The following SLC22A25 variants were observed in gnomAD, a reference collection of about 807,000 sequenced individuals.
The protein encoded by SLC22A25 is MGI:2442751, MGI:2385316, MGI:3042283, MGI:3645714, MGI:3605624, MGI:2442750.
Under a neutral mutation model 45.9 loss-of-function variants are expected in SLC22A25, and 44 were observed. That is an observed-to-expected ratio of 0.96 (90% CI 0.75 to 1.23). SLC22A25 has a LOEUF of 1.23. Among genes scored for constraint, SLC22A25 ranks in the 50% most tolerant of loss-of-function variants. The pLI is 0.00. For missense variants in SLC22A25, 800 were observed against 666.4 expected (o/e 1.20, Z -2.21); for synonymous variants, 283 against 238.6 (o/e 1.19, Z -1.72).
intron 7 of SLC22A25, among the ~76,000 whole-genome samples, chr11:63,185,366 C>T (rs1218101488): frequency 6.6e-6 from 1 of 151,588 alleles, no homozygotes; most frequent in Non-Finnish European, 1.5e-5. Flanking sequence ...CAATTCCCAC[C>T]TATGAGTGAG....
intron 7 of SLC22A25, among the ~76,000 whole-genome samples, chr11:63,210,549 A>G (rs940893557): frequency 6.6e-6 from 1 of 152,222 alleles, no homozygotes; most frequent in African/African-American, 2.4e-5. Flanking sequence ...CGAGTGTGGC[A>G]TTCTGTTGCT....
At chr11:63,199,737 A>C (rs2089177446) in intron 7 of SLC22A25, among the ~76,000 whole-genome samples, 1 of 152,068 alleles carries the variant, frequency 6.6e-6, no homozygotes, top group African/African-American at 2.4e-5. Context: ...TGGGTTGCAA[A>C]AAAAATGCAG....
intron 8 of SLC22A25, 78 bp downstream of exon 8, chr11:63,183,616 C>CA: frequency 6.3e-7 from 1 of 1,581,258 alleles, no homozygotes. Flanking sequence ...CTCCTTTATT[C>CA]ACCTTATGAA....
At chr11:63,171,252 A>G (rs1232145879) in intron 9 of SLC22A25, among the ~76,000 whole-genome samples, 1 of 152,226 alleles carries the variant, frequency 6.6e-6, no homozygotes, top group East Asian at 1.9e-4. Context: ...AAACTGGCAC[A>G]AGACAAGAAT....
At chr11:63,175,421 G>A (rs1369467198) in intron 9 of SLC22A25, among the ~76,000 whole-genome samples, 4 of 152,034 alleles carry the variant, frequency 2.6e-5, no homozygotes, top group African/African-American at 9.7e-5. Context: ...AAAATGTCTA[G>A]TCAAGTCCTT....
rs939397699 is a variant in SLC22A25, at chr11:63,161,076, C to T, written c.*2748G>A. ...GAAAAAAGGTTTAATGGACTCACAG[C>T]TCCATGTGGCTGGTGAGGCCTCACA... On this transcript the variant is annotated 3_prime_UTR_variant, in exon 12 of 12. Transcript: ENST00000306494. 3.3e-5 allele frequency among the ~76,000 whole-genome samples: 5 copies of T among 152,216 alleles called. No individual in the cohort carries two copies. Among genetic ancestry groups the T allele is most frequent in the African/African-American group, 1.2e-4 (5 of 41,462 alleles).
At chr11:63,196,368 C>T (rs2089030584) in intron 7 of SLC22A25, among the ~76,000 whole-genome samples, 1 of 152,196 alleles carries the variant, frequency 6.6e-6, no homozygotes, top group Non-Finnish European at 1.5e-5. Flanking sequence ...AAAATACTGG[C>T]AAACCGAATC....
At chr11:63,243,234 C>A (rs1020132185) in intron 1 of SLC22A25, 200 bp downstream of exon 1, 28 of 323,982 alleles carry the variant, frequency 8.6e-5, no homozygotes, top group African/African-American at 5.6e-4. Flanking sequence ...TGCAGAAGGC[C>A]ATCCAGCCGT....
chr11:63,213,405 T>C (rs1385447062), intron 7 of SLC22A25, among the ~76,000 whole-genome samples: 2 of 152,192 alleles, frequency 1.3e-5, no homozygotes, highest in Non-Finnish European at 2.9e-5. Flanking sequence ...TGTTGGGCTG[T>C]TGGCATCAGC....
intron 9 of SLC22A25, among the ~76,000 whole-genome samples, chr11:63,179,182 C>T (rs2088227181): frequency 6.6e-6 from 1 of 152,042 alleles, no homozygotes; most frequent in South Asian, 2.1e-4. Flanking sequence ...GTCTTGAACT[C>T]CTGACCTCAG....
At chr11:63,178,318 C>A (rs1376521736) in intron 9 of SLC22A25, among the ~76,000 whole-genome samples, 1 of 152,012 alleles carries the variant, frequency 6.6e-6, no homozygotes, top group Non-Finnish European at 1.5e-5. Flanking sequence ...GATTTTCTAC[C>A]TTTGCATATA....
At chr11:63,207,640 A>T (rs2089441998) in intron 7 of SLC22A25, among the ~76,000 whole-genome samples, 1 of 152,128 alleles carries the variant, frequency 6.6e-6, no homozygotes, top group African/African-American at 2.4e-5. Flanking sequence ...AAGAAAACCC[A>T]ATTCCCCCTG....
rs529138212 is a variant in SLC22A25, at chr11:63,209,659, C to G, written c.830+7655G>C. Among the ~76,000 whole-genome samples the G allele has an allele frequency of 2.6e-5, 4 of 152,186 alleles. No homozygotes were observed. The South Asian group carries it at 8.3e-4, about 32-fold the overall frequency. On this transcript the variant is annotated intron_variant, in intron 7 of 11. Coordinates refer to ENST00000306494, the MANE Select transcript of SLC22A25 (RefSeq NM_199352.6). ...GACCAGGGGCAGACACAAGGTGGCT[C>G]TAGGGTTTACGTTTATCAGCCTTTC... is the stretch of plus-strand genomic sequence containing the variant.
intron 1 of SLC22A25, among the ~76,000 whole-genome samples, chr11:63,241,179 T>C (rs116829734): frequency 6.6e-6 from 1 of 152,276 alleles, no homozygotes; most frequent in African/African-American, 2.4e-5. Context: ...GAAATATGAT[T>C]GATTGGAGCT....
intron 7 of SLC22A25, among the ~76,000 whole-genome samples, chr11:63,205,157 A>G (rs1272685249): frequency 6.6e-6 from 1 of 152,228 alleles, no homozygotes; most frequent in African/African-American, 2.4e-5. Context: ...GACACATTTA[A>G]AACAGTGTTT....
At chr11:63,206,745 T>G (rs1307070229) in intron 7 of SLC22A25, among the ~76,000 whole-genome samples, 1 of 152,238 alleles carries the variant, frequency 6.6e-6, no homozygotes, top group Non-Finnish European at 1.5e-5. Flanking sequence ...CCCAACAAGC[T>G]ACAAATGACT....
intron 5 of SLC22A25, among the ~76,000 whole-genome samples, chr11:63,222,815 TTGA>T (rs1405723106): frequency 2.3e-5 from 3 of 132,572 alleles, no homozygotes; most frequent in East Asian, 2.7e-4. Flanking sequence ...CAGTTTTTTT[TTGA>T]GAGTTTTTTT....
chr11:63,176,601 G>T (rs1028286387), intron 9 of SLC22A25, among the ~76,000 whole-genome samples: 2 of 151,784 alleles, frequency 1.3e-5, no homozygotes, highest in Non-Finnish European at 2.9e-5. Context: ...TAAAATTTTT[G>T]TGTGTGTAAT....
intron 8 of SLC22A25, among the ~76,000 whole-genome samples, chr11:63,183,019 A>T (rs986177684): frequency 2.6e-5 from 4 of 151,938 alleles, no homozygotes; most frequent in African/African-American, 4.8e-5. Context: ...GTCATTCATG[A>T]CCTAGTACCA....
Sources: gnomAD v4.1 joint callset for allele counts (sites outside exome capture counted in the v4.1 genomes callset) on GRCh38, gnomAD v4.1.1 for gene constraint, MANE v1.5 for transcripts, NCBI Gene and HGNC (gene_info 2026-07-23, HGNC 2026-07-21) for gene names.